MUC22: variants seen among roughly 807,000 people sequenced by gnomAD.
The protein encoded by MUC22 is mucin 22, also known as mucin-22.
Under a neutral mutation model 40.3 loss-of-function variants are expected in MUC22, and 24 were observed. The observed-to-expected ratio is 0.60, with a 90% confidence interval of 0.43 to 0.84. The LOEUF (loss-of-function observed/expected upper bound fraction) is 0.84, where lower values mean the gene tolerates loss of function less well. Among genes scored for constraint, MUC22 ranks in the 40% least tolerant of loss-of-function variants. MUC22 has a pLI of 0.00. For missense variants in MUC22, 1,926 were observed against 2,130.7 expected (o/e 0.90, Z 1.89); for synonymous variants, 765 against 844.5 (o/e 0.91, Z 1.63).
chr6:31,025,517 C>T (rs1363364108), exon 2 of MUC22: 1 of 1,505,094 alleles, frequency 6.6e-7, no homozygotes, highest in African/African-American at 1.4e-5. Flanking sequence ...GAGAATACCA[C>T]AGCCTTCACA....
At chr6:31,026,815 A>C in exon 2 of MUC22, 1 of 1,479,862 alleles carries the variant, frequency 6.8e-7, no homozygotes, top group Non-Finnish European at 9.0e-7. Flanking sequence ...AGTCTCCACC[A>C]CAGGCTCTGA....
At position 31,026,104 on chromosome 6, in the gene MUC22, A is replaced by G. The variant is rs865987556; in HGVS notation, c.673A>G (p.Thr225Ala). ...CACAGCATCTACTGCAGGTTCTGAG[A>G]CCACCACTACCTCCACCTCCATGGC... is the stretch of plus-strand genomic sequence containing the variant. Residue 225 changes from threonine (T) to alanine (A), a missense_variant, in exon 2 of 4, where the codon ACC (threonine) becomes GCC (alanine). Transcript: ENST00000561890. 2.0e-6 allele frequency: 3 copies of G among 1,531,528 alleles called. No homozygotes were observed. The African/African-American group carries it at 4.1e-5, about 21-fold the overall frequency. 94.9% of individuals were successfully genotyped at this position (1,531,528 alleles called of 1,614,324 possible).
intron 1 of MUC22, among the ~76,000 whole-genome samples, chr6:31,016,153 GC>G (rs1253573590): frequency 1.0e-4 from 15 of 142,926 alleles, no homozygotes; most frequent in South Asian, 8.7e-4. Flanking sequence ...TTTTGTGGGT[GC>G]TATACTTTCT....
intron 3 of MUC22, 98 bp from the exon 4 acceptor site, chr6:31,034,574 A>G (rs1766307108): frequency 1.9e-6 from 2 of 1,056,586 alleles, no homozygotes; most frequent in Admixed American, 5.3e-5. Flanking sequence ...GGCAGTTTGG[A>G]AAAGTGAAAA....
chr6:31,030,292 C>T (rs529890336), intron 2 of MUC22, among the ~76,000 whole-genome samples, 192 bp downstream of exon 2: 8 of 152,122 alleles, frequency 5.3e-5, no homozygotes, highest in African/African-American at 9.6e-5. Context: ...CTGAGGCGAG[C>T]GAATCACGAG....
chr6:31,029,532 C>T (rs369957741), exon 2 of MUC22: 36 of 1,524,834 alleles, frequency 2.4e-5, no homozygotes, highest in East Asian at 1.7e-4. Context: ...AGACTACCAC[C>T]GCCTCTACTG....
At chr6:31,014,641 C>A (rs548417029) in intron 1 of MUC22, among the ~76,000 whole-genome samples, 3 of 152,172 alleles carry the variant, frequency 2.0e-5, no homozygotes, top group Admixed American at 1.3e-4. Context: ...AAGGAGATCC[C>A]GAAAGTGGCT....
chr6:31,017,143 G>A (rs760714320), intron 1 of MUC22, among the ~76,000 whole-genome samples: 5 of 152,330 alleles, frequency 3.3e-5, no homozygotes, highest in East Asian at 1.9e-4. Flanking sequence ...CTTGCTTTGC[G>A]GCACCCGGTC....
chr6:31,007,217 C>T (rs117029784), upstream of MUC22, among the ~76,000 whole-genome samples: 961 of 146,726 alleles, frequency 6.5e-3, 31 homozygotes, highest in Admixed American at 0.061. The surrounding 1 kb of genome is among the most constrained non-coding windows in gnomAD (Gnocchi z 4.0). Context: ...TGTTTTTGAA[C>T]GTATACACAA....
At chr6:31,027,113 T>C (rs534444298) in exon 2 of MUC22, 3 of 1,466,688 alleles carry the variant, frequency 2.0e-6, no homozygotes. Flanking sequence ...GCCTCTACCA[T>C]AGGCCCTGAG....
rs372626752 is a variant in MUC22 at position 31,031,767 on chromosome 6, C to T, written c.4670-429C>T. On this transcript the variant is annotated intron_variant, in intron 2 of 3. Transcript: ENST00000561890. Reference sequence around the variant, plus strand: ...CATATCAGTGAGAACATACGATGTTCGGTTTTCCATTCCTGAGTTACTTCA... The same window carrying T: ...CATATCAGTGAGAACATACGATGTTTGGTTTTCCATTCCTGAGTTACTTCA... Among the ~76,000 whole-genome samples the T allele has an allele frequency of 5.9e-5, 9 of 152,226 alleles. No homozygotes were observed. In the East Asian group the frequency reaches 1.2e-3, roughly 20 times the overall value.
intron 1 of MUC22, among the ~76,000 whole-genome samples, chr6:31,022,489 G>A (rs756322857): frequency 2.0e-5 from 3 of 151,824 alleles, no homozygotes; most frequent in Non-Finnish European, 4.4e-5. Context: ...AGTTCTTCAG[G>A]AAGAAAAAAT....
chr6:31,029,573 C>T, exon 2 of MUC22: 1 of 1,528,532 alleles, frequency 6.5e-7, no homozygotes, highest in Non-Finnish European at 8.8e-7. Flanking sequence ...GTTTCTACCA[C>T]TAGCTCTGAG....
chr6:31,016,731 AG>A (rs1169997026), intron 1 of MUC22, among the ~76,000 whole-genome samples: 6 of 152,342 alleles, frequency 3.9e-5, no homozygotes, highest in Middle Eastern at 6.8e-3. Context: ...GCACTGTGGG[AG>A]ACCCTCTCTG....
rs909552616 is a variant in MUC22, at chr6:31,028,055, C to A, written c.2624C>A (p.Thr875Asn). The A allele has an allele frequency of 5.9e-6, 9 of 1,534,496 alleles. 1 individual carries two copies. The African/African-American group carries it at 1.1e-4, about 19-fold the overall frequency. Residue 875 changes from threonine to asparagine, a missense_variant, in exon 2 of 4, where the codon ACC becomes AAC. Thr to Asn is a moderately conservative substitution (Grantham distance 65). Around this residue, in one of 3 missense-constraint regions of MUC22, gnomAD observed 1,281 missense variants for 1,337.8 expected, o/e 0.96. Transcript: ENST00000561890. ...TCAGCCTCTACTACAGGCTCTGAGA[C>A]CACCACAGCCTCTACTACAAGCTCT...
intron 1 of MUC22, 61 bp downstream of exon 1, chr6:31,010,837 G>C (rs148327765): frequency 0.015 from 10,796 of 697,232 alleles, 269 homozygotes; most frequent in South Asian, 0.065. Context: ...CCCTGAAGGA[G>C]ATGGGGAATC....
rs1012551290 is a variant in MUC22 at position 31,032,850 on chromosome 6, C to A, written c.5055+269C>A. On this transcript the variant is annotated intron_variant, in intron 3 of 3. Transcript: ENST00000561890. This position sits in a 1 kb window ranked among gnomAD's most constrained non-coding sequence, Gnocchi z 4.1. ...GAACAAGGGAAATACTGAGAGAGAA[C>A]AAGGAGGACATAAACATAAAGAAAG... Among the ~76,000 whole-genome samples, 1 of 152,032 alleles carries A rather than the reference C, an allele frequency of 6.6e-6. No homozygotes were observed. Among genetic ancestry groups the A allele is most frequent in the Non-Finnish European group, 1.5e-5 (1 of 68,012 alleles).
intron 2 of MUC22, among the ~76,000 whole-genome samples, chr6:31,030,605 A>G (rs913250836): frequency 1.4e-5 from 2 of 147,992 alleles, no homozygotes; most frequent in African/African-American, 2.5e-5. Context: ...CACCACTTCC[A>G]TTGCAATCAG....
At chr6:31,027,527 C>G (rs1419600214) in exon 2 of MUC22, 1 of 1,529,964 alleles carries the variant, frequency 6.5e-7, no homozygotes, top group Non-Finnish European at 8.7e-7. Flanking sequence ...ACAATAGCCT[C>G]TACTTCAGAC....
Sources: gnomAD v4.1 joint callset for allele counts (sites outside exome capture counted in the v4.1 genomes callset) on GRCh38, gnomAD v4.1.1 for gene constraint, gnomAD v4.1.1 regional missense constraint, Gnocchi (gnomAD v3.1) non-coding constraint, MANE v1.5 for transcripts, NCBI Gene and HGNC (gene_info 2026-07-23, HGNC 2026-07-21) for gene names.